The following RIT2 variants were observed in gnomAD, a reference collection of about 807,000 sequenced individuals.
The protein encoded by RIT2 is Ras like without CAAX 2.
RIT2 carries 24 observed loss-of-function variants against 23.7 expected under a neutral mutation model. The observed-to-expected ratio is 1.01, with a 90% CI of 0.73 to 1.43. The LOEUF is 1.43. Ranked by LOEUF, RIT2 falls within the 40% of genes most tolerant of loss-of-function variation. RIT2 has a pLI of 0.00. For synonymous variants in RIT2, 107 were observed against 91.1 expected, an observed-to-expected ratio of 1.17 and a Z score of -0.99; for missense variants, 236 against 266.9, an observed-to-expected ratio of 0.88 and a Z score of 0.81.
chr18:43,113,597 T>C (rs892454307), intron 1 of RIT2, among the ~76,000 whole-genome samples: 1 of 152,136 alleles, frequency 6.6e-6, no homozygotes, highest in Non-Finnish European at 1.5e-5. Context: ...GAGATCAAAA[T>C]AGAAGATAAA....
chr18:43,076,732 A>T (rs560692152), intron 1 of RIT2, among the ~76,000 whole-genome samples: 1 of 152,204 alleles, frequency 6.6e-6, no homozygotes, highest in Middle Eastern at 3.2e-3. Context: ...TCATGATACC[A>T]GATGATCTAG....
At chr18:42,909,077 G>A (rs1268282044) in intron 4 of RIT2, among the ~76,000 whole-genome samples, 2 of 152,056 alleles carry the variant, frequency 1.3e-5, no homozygotes, top group African/African-American at 4.8e-5. Context: ...ACCAAACTAA[G>A]TGCCCACTGA....
At chr18:42,919,774 C>G (rs1198022967) in intron 4 of RIT2, among the ~76,000 whole-genome samples, 1 of 151,954 alleles carries the variant, frequency 6.6e-6, no homozygotes, top group East Asian at 1.9e-4. Context: ...GCTCCCAAAT[C>G]CCTGAAACTT....
intron 4 of RIT2, among the ~76,000 whole-genome samples, chr18:42,863,290 G>A (rs1336196192): frequency 6.6e-6 from 1 of 152,132 alleles, no homozygotes; most frequent in Non-Finnish European, 1.5e-5. Context: ...GAATTCAAGG[G>A]TATGTAGGTG....
intron 1 of RIT2, among the ~76,000 whole-genome samples, chr18:43,056,179 A>T (rs1912498729): frequency 6.6e-6 from 1 of 152,116 alleles, no homozygotes. Flanking sequence ...CAGAAGCCTA[A>T]CCTTACCAGG....
chr18:42,971,491 A>G (rs1042567148), intron 3 of RIT2, among the ~76,000 whole-genome samples: 6 of 152,036 alleles, frequency 3.9e-5, no homozygotes, highest in African/African-American at 1.4e-4. Flanking sequence ...TTCACCCACA[A>G]TGAGGTAAGA....
intron 1 of RIT2, among the ~76,000 whole-genome samples, chr18:43,049,325 T>C: frequency 6.6e-6 from 1 of 152,192 alleles, no homozygotes; most frequent in East Asian, 1.9e-4. Context: ...CAAATGCTGC[T>C]TCATTAAATT....
chr18:42,793,355 G>A (rs1914084915), intron 4 of RIT2, among the ~76,000 whole-genome samples: 1 of 152,086 alleles, frequency 6.6e-6, no homozygotes, highest in South Asian at 2.1e-4. Flanking sequence ...CAGTACACAG[G>A]CATTTTTAAT....
chr18:42,895,453 A>T (rs2144099766), intron 4 of RIT2, among the ~76,000 whole-genome samples: 1 of 152,296 alleles, frequency 6.6e-6, no homozygotes, highest in Admixed American at 6.5e-5. Context: ...AGTTCCTTTC[A>T]AATACATATT....
intron 4 of RIT2, chr18:42,923,333 C>T (rs9958995): frequency 0.01 from 4,801 of 477,718 alleles, 230 homozygotes; most frequent in African/African-American, 0.086. Flanking sequence ...ATTCAGTATA[C>T]AATCCCAGAT....
intron 4 of RIT2, among the ~76,000 whole-genome samples, chr18:42,863,633 A>C (rs1907388824): frequency 6.6e-6 from 1 of 152,198 alleles, no homozygotes; most frequent in Admixed American, 6.5e-5. Context: ...GCTTTCTTGG[A>C]AATTCCAGGA....
intron 3 of RIT2, among the ~76,000 whole-genome samples, chr18:42,929,892 A>G (rs1325691103): frequency 6.6e-6 from 1 of 152,126 alleles, no homozygotes; most frequent in Admixed American, 6.6e-5. Flanking sequence ...AATTATGTTC[A>G]GAAGCCAAGT....
At chr18:43,070,990 CAACTT>C (rs1281557931) in intron 1 of RIT2, among the ~76,000 whole-genome samples, 11 of 152,080 alleles carry the variant, frequency 7.2e-5, no homozygotes, top group African/African-American at 2.4e-4. Flanking sequence ...GTGACTGAAA[CAACTT>C]AATATAGGAA....
At chr18:43,055,026 C>G (rs1300103427) in intron 1 of RIT2, among the ~76,000 whole-genome samples, 2 of 152,062 alleles carry the variant, frequency 1.3e-5, no homozygotes, top group Admixed American at 1.3e-4. Context: ...GGTAACCCTT[C>G]AGGCTTGTGG....
chr18:43,061,959 C>T (rs889430621), intron 1 of RIT2, among the ~76,000 whole-genome samples: 2 of 152,050 alleles, frequency 1.3e-5, no homozygotes, highest in Non-Finnish European at 2.9e-5. Context: ...CATTCTCCCT[C>T]CCACTCACCA....
chr18:42,930,167 G>C (rs944590406), intron 3 of RIT2, among the ~76,000 whole-genome samples: 3 of 152,114 alleles, frequency 2.0e-5, no homozygotes, highest in Admixed American at 6.6e-5. Flanking sequence ...AGGAAACCAA[G>C]AACTCAGGAG....
chr18:42,845,910 A>G (rs1368819377), intron 4 of RIT2, among the ~76,000 whole-genome samples: 1 of 151,956 alleles, frequency 6.6e-6, no homozygotes, highest in Non-Finnish European at 1.5e-5. Flanking sequence ...CTAGAGGGAA[A>G]TTCAAAACTT....
intron 4 of RIT2, chr18:42,923,357 G>A (rs2144133713): frequency 1.9e-6 from 1 of 538,634 alleles, no homozygotes; most frequent in Non-Finnish European, 3.3e-6. Flanking sequence ...AGGGGATAGG[G>A]CACTAGTAAG....
At chr18:43,035,266 A>G (rs73951796) in intron 1 of RIT2, among the ~76,000 whole-genome samples, 3 of 152,188 alleles carry the variant, frequency 2.0e-5, no homozygotes, top group Non-Finnish European at 2.9e-5. Flanking sequence ...GTCTCTACAT[A>G]TAAGTATTAC....
Sources: gnomAD v4.1 joint callset for allele counts (sites outside exome capture counted in the v4.1 genomes callset) on GRCh38, gnomAD v4.1.1 for gene constraint, MANE v1.5 for transcripts, NCBI Gene and HGNC (gene_info 2026-07-23, HGNC 2026-07-21) for gene names.